The following CFAP47 variants were observed in gnomAD, a reference collection of about 807,000 sequenced individuals.
The protein encoded by CFAP47 is cilia- and flagella-associated protein 47.
In CFAP47, 29 loss-of-function variants were observed where a neutral mutation model predicts 148.1. The ratio of observed to expected loss-of-function variants is 0.20; its 90% CI spans 0.15 to 0.27. The LOEUF (loss-of-function observed/expected upper bound fraction) is 0.27. Among genes scored for constraint, CFAP47 ranks in the 10% least tolerant of loss-of-function variants. The pLI is 1.00. For synonymous variants in CFAP47, 664 were observed against 577.3 expected, an observed-to-expected ratio of 1.15 and a Z score of -2.15; for missense variants, 1,872 against 1,697.5, an observed-to-expected ratio of 1.10 and a Z score of -1.81.
intron 15 of CFAP47, among the ~76,000 whole-genome samples, chrX:35,982,225 G>C (rs1194425086): frequency 1.8e-5 from 2 of 111,561 alleles, no homozygotes; most frequent in Non-Finnish European, 3.8e-5. Context: ...GTGTGAGATG[G>C]TATCTCATCG....
chrX:36,329,855 C>A (rs1212390600), intron 57 of CFAP47, among the ~76,000 whole-genome samples: 1 of 111,330 alleles, frequency 9.0e-6, no homozygotes, highest in Non-Finnish European at 1.9e-5. Flanking sequence ...CTTGATATAC[C>A]ATTAGAATAA....
chrX:36,120,627 C>T (rs1394359825), intron 33 of CFAP47, among the ~76,000 whole-genome samples: 3 of 111,569 alleles, frequency 2.7e-5, no homozygotes, highest in African/African-American at 9.8e-5. Flanking sequence ...ATCCACTGGT[C>T]ATTGAAAACA....
chrX:36,216,386 G>A (rs782705823), intron 45 of CFAP47, among the ~76,000 whole-genome samples: 2 of 111,239 alleles, frequency 1.8e-5, no homozygotes, highest in African/African-American at 3.3e-5. Context: ...GGTTCCAGAG[G>A]CCCATCTGTG....
In CFAP47 at chrX:36,260,768, A is replaced by T. The variant is rs781969179; in HGVS notation, c.7444+9324A>T. On this transcript the variant is annotated intron_variant, in intron 49 of 63. Coordinates refer to ENST00000378653, the MANE Select transcript of CFAP47 (RefSeq NM_001304548.2). ...TTGCTTTTGGTATATTCAACAAGAC[A>T]TCTTTGCCAAGGTCTATGTCCAGAA... Among the ~76,000 whole-genome samples the T allele has an allele frequency of 9.8e-5, 11 of 112,240 alleles. No homozygotes were observed. In the East Asian group the frequency reaches 3.1e-3, roughly 31 times the overall value.
chrX:35,971,860 T>G lies in CFAP47; in HGVS notation c.2158-9T>G, dbSNP rs746955266. ...ATGAATAATTCTGGAAAAATATGAT[T>G]TTTTACAGGTTCTCAAAGGACTTAA... On this transcript the variant is annotated splice_polypyrimidine_tract_variant and intron_variant, in intron 12 of 63. Transcript: ENST00000378653. 8.4e-7 allele frequency: 1 copy of G among 1,188,411 alleles called. No individual in the cohort carries two copies.
chrX:36,297,581 G>A (rs192773489), intron 51 of CFAP47, among the ~76,000 whole-genome samples: 1 of 111,444 alleles, frequency 9.0e-6, no homozygotes, highest in African/African-American at 3.3e-5. Flanking sequence ...GGCTGAAATG[G>A]GATGCTTTAT....
At chrX:36,193,080 C>T (rs1193323236) in intron 42 of CFAP47, among the ~76,000 whole-genome samples, 1 of 112,026 alleles carries the variant, frequency 8.9e-6, no homozygotes, top group Admixed American at 9.5e-5. Flanking sequence ...AATAGGGCCA[C>T]TCCTCTGATT....
intron 48 of CFAP47, among the ~76,000 whole-genome samples, chrX:36,239,992 C>G (rs893377174): frequency 2.9e-4 from 32 of 111,915 alleles, no homozygotes; most frequent in African/African-American, 1.0e-3. Flanking sequence ...CAAATTACTG[C>G]TGACCGCTAA....
chrX:36,044,102 G>A (rs185630552), intron 25 of CFAP47, among the ~76,000 whole-genome samples: 131 of 113,297 alleles, frequency 1.2e-3, no homozygotes, highest in Admixed American at 6.7e-3. Flanking sequence ...GAGCTGGAGC[G>A]TCTGGGACAC....
At chrX:36,159,034 A>T (rs962907673) in intron 37 of CFAP47, among the ~76,000 whole-genome samples, 2 of 111,923 alleles carry the variant, frequency 1.8e-5, no homozygotes, top group African/African-American at 6.5e-5. Context: ...ATTTTCACTA[A>T]TGATTTTATG....
chrX:36,094,136 C>T (rs1292658558), intron 30 of CFAP47, among the ~76,000 whole-genome samples: 1 of 111,068 alleles, frequency 9.0e-6, no homozygotes, highest in East Asian at 2.8e-4. Flanking sequence ...ACTGTCTTTT[C>T]CCCAGTGTGT....
At chrX:36,119,674 A>G (rs1460700464) in intron 33 of CFAP47, among the ~76,000 whole-genome samples, 1 of 111,719 alleles carries the variant, frequency 9.0e-6, no homozygotes, top group African/African-American at 3.2e-5. Context: ...ACAACAGTGA[A>G]TCCATCAGGT....
At chrX:36,367,282 T>G (rs1322130564) in intron 62 of CFAP47, among the ~76,000 whole-genome samples, 155 bp downstream of exon 62, 2 of 111,907 alleles carry the variant, frequency 1.8e-5, no homozygotes, top group Non-Finnish European at 3.8e-5. Flanking sequence ...ACATAAATTT[T>G]TACTTAACAA....
At chrX:36,095,271 A>G (rs1231910578) in intron 30 of CFAP47, among the ~76,000 whole-genome samples, 2 of 111,440 alleles carry the variant, frequency 1.8e-5, no homozygotes, top group African/African-American at 6.5e-5. Flanking sequence ...TTTTTACTGT[A>G]TTGCTGAATT....
chrX:36,200,023 T>C (rs1555987826), intron 42 of CFAP47, among the ~76,000 whole-genome samples: 2 of 112,152 alleles, frequency 1.8e-5, no homozygotes, highest in Non-Finnish European at 3.8e-5. Flanking sequence ...GCAAAACTGA[T>C]GTCACTCCTG....
intron 30 of CFAP47, among the ~76,000 whole-genome samples, chrX:36,093,406 C>T (rs750135327): frequency 1.9e-4 from 21 of 111,325 alleles, no homozygotes; most frequent in African/African-American, 6.2e-4. Context: ...TCTCTATATT[C>T]TCAGCAGCAT....
At chrX:35,948,563 G>T in intron 4 of CFAP47, 111 bp downstream of exon 4, 1 of 629,582 alleles carries the variant, frequency 1.6e-6, no homozygotes, top group Non-Finnish European at 2.4e-6. Flanking sequence ...CTTCCATTCA[G>T]CGTTGTTCAT....
chrX:36,148,938 T>C (rs980871152), intron 36 of CFAP47, among the ~76,000 whole-genome samples, 170 bp from the exon 37 acceptor site: 3 of 109,272 alleles, frequency 2.7e-5, no homozygotes, highest in Non-Finnish European at 5.7e-5. Flanking sequence ...TGTGTGTGTG[T>C]AGTTGTTATT....
chrX:36,099,825 A>G lies in CFAP47; in HGVS notation c.5073A>G (p.Lys1691=). 3 of 954,520 alleles carry G rather than the reference A, an allele frequency of 3.1e-6. No individual in the cohort carries two copies. Among genetic ancestry groups the G allele is most frequent in the Non-Finnish European group, 4.5e-6 (3 of 662,097 alleles). The allele number at this position is 954,520 out of a possible 1,213,427, so 78.7% of individuals were successfully genotyped here. ...GTTCTATTGTTATAGAAATGTCTAA[A>G]TTTGAAGCCTGGAGTAAACGGGCAT... The part of the protein sequence containing the change: ...KKCSIVIEMS[K]FEAWSKRAWT... The change falls in exon 32 of 64, where the codon AAA becomes AAG. Residue 1691 remains lysine (K), a synonymous_variant. Coordinates refer to ENST00000378653, the MANE Select transcript of CFAP47 (RefSeq NM_001304548.2).
Sources: gnomAD v4.1 joint callset for allele counts (sites outside exome capture counted in the v4.1 genomes callset) on GRCh38, gnomAD v4.1.1 for gene constraint, MANE v1.5 for transcripts, NCBI Gene and HGNC (gene_info 2026-07-23, HGNC 2026-07-21) for gene names.